The following DMD variants were observed in gnomAD, a reference collection of about 807,000 sequenced individuals.
DMD encodes dystrophin.
A neutral mutation model predicts 330.1 loss-of-function variants in DMD; 63 were observed. The ratio of observed to expected loss-of-function variants is 0.19; its 90% CI spans 0.16 to 0.24. DMD has a LOEUF of 0.24. Among genes scored for constraint, DMD ranks in the 10% least tolerant of loss-of-function variants. The pLI is 1.00. For synonymous variants in DMD, 1,223 were observed against 959.8 expected, an observed-to-expected ratio of 1.27 and a Z score of -5.07; for missense variants, 3,344 against 2,684.1, an observed-to-expected ratio of 1.25 and a Z score of -5.43.
At chrX:33,270,825 T>G (rs745452004) in intron 1 of DMD, among the ~76,000 whole-genome samples, 3 of 111,784 alleles carry the variant, frequency 2.7e-5, no homozygotes, top group Non-Finnish European at 5.6e-5. Flanking sequence ...AGGGTCAACA[T>G]AAGATCACTG....
chrX:31,941,229 T>C (rs747519286), intron 45 of DMD, among the ~76,000 whole-genome samples: 1 of 111,649 alleles, frequency 9.0e-6, no homozygotes, highest in Non-Finnish European at 1.9e-5. Context: ...TACCATCCGA[T>C]AGAAAATGCA....
intron 27 of DMD, among the ~76,000 whole-genome samples, chrX:32,442,781 T>A (rs1423789382): frequency 9.0e-6 from 1 of 110,789 alleles, no homozygotes; most frequent in African/African-American, 3.3e-5. Context: ...TATACCGTCA[T>A]CTTTAAACAG....
intron 1 of DMD, among the ~76,000 whole-genome samples, chrX:33,165,963 T>C (rs751810798): frequency 4.1e-4 from 46 of 110,893 alleles, no homozygotes; most frequent in Admixed American, 2.0e-3. Flanking sequence ...AGTTTTGATG[T>C]ATAGGAAGCA....
intron 57 of DMD, among the ~76,000 whole-genome samples, chrX:31,483,260 A>G (rs967867133): frequency 9.2e-6 from 1 of 108,640 alleles, no homozygotes; most frequent in East Asian, 2.9e-4. Flanking sequence ...GTTAGCCAGG[A>G]TGGTCTCCAT....
At chrX:32,892,101 G>A (rs774451060) in intron 2 of DMD, among the ~76,000 whole-genome samples, 1 of 112,090 alleles carries the variant, frequency 8.9e-6, no homozygotes, top group African/African-American at 3.2e-5. Context: ...TGCTTCCTCA[G>A]TGAGGCCACA....
At chrX:32,293,954 T>C (rs1237715548) in intron 42 of DMD, among the ~76,000 whole-genome samples, 2 of 112,176 alleles carry the variant, frequency 1.8e-5, no homozygotes, top group East Asian at 5.6e-4. Context: ...GGTAGAATTT[T>C]ACTACCATCT....
intron 11 of DMD, among the ~76,000 whole-genome samples, chrX:32,642,231 G>C (rs931252654): frequency 8.9e-6 from 1 of 111,768 alleles, no homozygotes; most frequent in Non-Finnish European, 1.9e-5. Flanking sequence ...ATAATGCTTT[G>C]TATATTCATT....
intron 43 of DMD, among the ~76,000 whole-genome samples, chrX:32,237,045 T>C (rs1481049293): frequency 1.8e-5 from 2 of 111,769 alleles, no homozygotes; most frequent in African/African-American, 6.5e-5. Context: ...AGTCTTTGCA[T>C]TGTACAGGTT....
intron 67 of DMD, among the ~76,000 whole-genome samples, chrX:31,189,413 C>A (rs1020506038): frequency 1.8e-5 from 2 of 111,375 alleles, no homozygotes; most frequent in Non-Finnish European, 3.8e-5. Flanking sequence ...CCCAGCTGAA[C>A]GCATATCCGC....
intron 47 of DMD, among the ~76,000 whole-genome samples, chrX:31,913,759 CAAAACA>C (rs907310502): frequency 9.3e-6 from 1 of 107,197 alleles, no homozygotes; most frequent in Non-Finnish European, 1.9e-5. Context: ...CAAAACAAAA[CAAAACA>C]AAAACAAAAC....
At chrX:31,728,158 G>C (rs1327298485) in intron 52 of DMD, among the ~76,000 whole-genome samples, 2 of 111,786 alleles carry the variant, frequency 1.8e-5, no homozygotes, top group Non-Finnish European at 3.8e-5. Flanking sequence ...AAGTAGCTGG[G>C]ACTACAGGCG....
chrX:31,741,217 G>C (rs1038035589), intron 51 of DMD, among the ~76,000 whole-genome samples: 1 of 111,637 alleles, frequency 9.0e-6, no homozygotes, highest in Non-Finnish European at 1.9e-5. Context: ...TCATTGATGA[G>C]TGTTGGAATT....
chrX:31,936,091 A>T (rs1274395517), intron 45 of DMD, among the ~76,000 whole-genome samples: 2 of 110,919 alleles, frequency 1.8e-5, no homozygotes, highest in African/African-American at 6.5e-5. Flanking sequence ...TAAAAACTTG[A>T]TTTTTTAAGA....
chrX:33,095,167 G>A (rs771620613), intron 1 of DMD, among the ~76,000 whole-genome samples: 29 of 112,098 alleles, frequency 2.6e-4, no homozygotes, highest in Non-Finnish European at 4.9e-4. Flanking sequence ...ATATGACAAC[G>A]TTTTGAATAT....
chrX:32,461,190 A>G (rs999952950), intron 25 of DMD, among the ~76,000 whole-genome samples: 1 of 111,860 alleles, frequency 8.9e-6, no homozygotes, highest in Non-Finnish European at 1.9e-5. Context: ...AGAGTGTATC[A>G]CACACTTATT....
At chrX:31,791,602 C>T (rs1239939121) in intron 50 of DMD, among the ~76,000 whole-genome samples, 2 of 112,123 alleles carry the variant, frequency 1.8e-5, no homozygotes, top group Non-Finnish European at 3.8e-5. Flanking sequence ...AGTGATTTCC[C>T]ACTGCTTACC....
intron 1 of DMD, among the ~76,000 whole-genome samples, chrX:33,283,235 A>G (rs376497306): frequency 1.8e-5 from 2 of 112,316 alleles, no homozygotes; most frequent in African/African-American, 3.2e-5. Flanking sequence ...TTTGAAATTA[A>G]TAACAAATAA....
chrX:32,690,260 A>G (rs753759920), intron 9 of DMD, among the ~76,000 whole-genome samples: 1 of 111,236 alleles, frequency 9.0e-6, no homozygotes, highest in East Asian at 2.8e-4. Context: ...GACAAATTCC[A>G]TTCACAAGAG....
At chrX:32,083,272 C>CTTTT (rs56029341) in intron 44 of DMD, among the ~76,000 whole-genome samples, 1 of 102,985 alleles carries the variant, frequency 9.7e-6, no homozygotes. Flanking sequence ...AATAAAAAAT[C>CTTTT]TTTTTTTTTT....
Sources: allele counts gnomAD v4.1 joint callset (sites outside exome capture counted in the v4.1 genomes callset), GRCh38; gene constraint gnomAD v4.1.1; transcripts MANE v1.5; gene names NCBI Gene and HGNC (gene_info 2026-07-23, HGNC 2026-07-21).